Variants in BICC1 observed in about 807,000 individuals in gnomAD.
BICC1 encodes the protein protein bicaudal C homolog 1.
A neutral mutation model predicts 111.0 loss-of-function variants in BICC1; 43 were observed. That is an observed-to-expected ratio of 0.39 (90% CI 0.30 to 0.50). BICC1 has a LOEUF of 0.50. BICC1 is among the 20% of genes least tolerant of loss of function. The pLI is 0.88. For synonymous variants in BICC1, 467 were observed against 434.4 expected, an observed-to-expected ratio of 1.07 and a Z score of -0.93; for missense variants, 1,091 against 1,203.2, an observed-to-expected ratio of 0.91 and a Z score of 1.38.
intron 2 of BICC1, among the ~76,000 whole-genome samples, chr10:58,652,257 A>G (rs1204423698): frequency 1.3e-5 from 2 of 152,112 alleles, no homozygotes; most frequent in African/African-American, 4.8e-5. Context: ...CAAAAAGAAA[A>G]TTTACTATTA....
chr10:58,784,704 T>G (rs1842963758), intron 3 of BICC1, among the ~76,000 whole-genome samples: 1 of 152,040 alleles, frequency 6.6e-6, no homozygotes, highest in Non-Finnish European at 1.5e-5. Flanking sequence ...AAAAATTATA[T>G]GATATTTTTA....
chr10:58,728,714 A>AATAATG (rs1841190593), intron 3 of BICC1, among the ~76,000 whole-genome samples: 1 of 151,748 alleles, frequency 6.6e-6, no homozygotes, highest in Non-Finnish European at 1.5e-5. Flanking sequence ...AAATAATAAT[A>AATAATG]ATAATAATAC....
At chr10:58,739,762 T>C (rs957496985) in intron 3 of BICC1, among the ~76,000 whole-genome samples, 3 of 152,092 alleles carry the variant, frequency 2.0e-5, no homozygotes, top group Non-Finnish European at 4.4e-5. Context: ...TCTAGAAAAT[T>C]GGTAGTTTTT....
At chr10:58,782,003 A>G (rs1196677148) in intron 3 of BICC1, among the ~76,000 whole-genome samples, 1 of 152,198 alleles carries the variant, frequency 6.6e-6, no homozygotes, top group Non-Finnish European at 1.5e-5. Flanking sequence ...AACGTGTTAC[A>G]TGTTGGTGAC....
At chr10:58,779,326 A>G (rs576353701) in intron 3 of BICC1, among the ~76,000 whole-genome samples, 1 of 152,330 alleles carries the variant, frequency 6.6e-6, no homozygotes, top group Admixed American at 6.5e-5. Flanking sequence ...GCCTAAAAGC[A>G]CATTATTCAG....
intron 1 of BICC1, among the ~76,000 whole-genome samples, chr10:58,586,772 A>G (rs1219403490): frequency 6.6e-6 from 1 of 152,236 alleles, no homozygotes; most frequent in East Asian, 1.9e-4. Context: ...GCATGCAGTT[A>G]CATTCCCATA....
At chr10:58,515,449 G>C (rs552976131) in intron 1 of BICC1, among the ~76,000 whole-genome samples, 17 of 152,266 alleles carry the variant, frequency 1.1e-4, no homozygotes, top group African/African-American at 4.1e-4. Flanking sequence ...GCTACAAGGC[G>C]TGTTACTATA....
At chr10:58,558,391 A>G (rs964352137) in intron 1 of BICC1, among the ~76,000 whole-genome samples, 1 of 152,068 alleles carries the variant, frequency 6.6e-6, no homozygotes, top group Non-Finnish European at 1.5e-5. Flanking sequence ...AGAGACTTCT[A>G]GGTTCCACCT....
intron 3 of BICC1, among the ~76,000 whole-genome samples, chr10:58,777,012 G>A (rs1204982608): frequency 2.6e-5 from 4 of 151,788 alleles, no homozygotes; most frequent in Admixed American, 2.6e-4. Flanking sequence ...TATGTCTGGG[G>A]TGTAGTTTAC....
intron 2 of BICC1, chr10:58,648,607 CTCTTTCTCTCTT>C (rs1372538472): frequency 6.1e-6 from 6 of 984,650 alleles, no homozygotes; most frequent in Non-Finnish European, 7.2e-6. Context: ...CTTTCTCTCT[CTCTTTCTCTCTT>C]ACAGAGACAC....
At chr10:58,815,110 GT>G (rs5785348) in intron 18 of BICC1, among the ~76,000 whole-genome samples, 98,880 of 151,828 alleles carry the variant, frequency 0.65, 33,459 homozygotes, top group Non-Finnish European at 0.74. Flanking sequence ...TTTTTTCAGG[GT>G]TTTTGACAAA....
intron 1 of BICC1, among the ~76,000 whole-genome samples, chr10:58,543,001 G>C (rs1364243417): frequency 6.6e-6 from 1 of 152,018 alleles, no homozygotes; most frequent in African/African-American, 2.4e-5. Flanking sequence ...GTATAATTCA[G>C]CAATCTCACT....
intron 3 of BICC1, among the ~76,000 whole-genome samples, chr10:58,755,741 G>T (rs562421593): frequency 6.6e-6 from 1 of 150,812 alleles, no homozygotes; most frequent in African/African-American, 2.4e-5. Flanking sequence ...ATGAATTTCA[G>T]TTGGGTTTTG....
intron 17 of BICC1, 91 bp from the exon 18 acceptor site, chr10:58,813,739 C>A: frequency 2.3e-6 from 3 of 1,319,994 alleles, no homozygotes; most frequent in Non-Finnish European, 3.2e-6. Flanking sequence ...GAGAAGTAAA[C>A]GGCAGTGGTG....
chr10:58,764,098 A>G (rs1212459270), intron 3 of BICC1, among the ~76,000 whole-genome samples: 2 of 152,170 alleles, frequency 1.3e-5, no homozygotes, highest in Non-Finnish European at 2.9e-5. Context: ...TGAAATAGGC[A>G]CTATTGTCAA....
intron 3 of BICC1, among the ~76,000 whole-genome samples, chr10:58,721,918 T>G (rs2393495): frequency 0.013 from 1,973 of 152,272 alleles, 38 homozygotes; most frequent in African/African-American, 0.046. Flanking sequence ...CAGCTTGTAC[T>G]CTCCTGAAAG....
intron 2 of BICC1, among the ~76,000 whole-genome samples, chr10:58,698,959 G>T (rs1232864566): frequency 6.6e-6 from 1 of 152,190 alleles, no homozygotes; most frequent in African/African-American, 2.4e-5. Flanking sequence ...AAGGATGTCT[G>T]CAAAGGCATC....
chr10:58,715,058 A>T lies in BICC1; in HGVS notation c.307+12915A>T, dbSNP rs536524304. The stretch of plus-strand genomic sequence containing the variant: ...ACTGCAGCCTGGGCAACAGAGCAAG[A>T]CTCTGTCTCAAAAAAAAAAAAAGAT... On this transcript the variant is annotated intron_variant, in intron 3 of 20. Coordinates refer to ENST00000373886, the MANE Select transcript of BICC1 (RefSeq NM_001080512.3). Among the ~76,000 whole-genome samples, 19 of 149,518 alleles carry T rather than the reference A, an allele frequency of 1.3e-4. No homozygotes were observed. The South Asian group carries it at 2.8e-3, about 22-fold the overall frequency.
chr10:58,719,619 G>C (rs1382958137), intron 3 of BICC1, among the ~76,000 whole-genome samples: 1 of 152,056 alleles, frequency 6.6e-6, no homozygotes, highest in Admixed American at 6.6e-5. Flanking sequence ...TTTCATGCTT[G>C]TATTGCATCA....
Sources: allele counts gnomAD v4.1 joint callset (sites outside exome capture counted in the v4.1 genomes callset), GRCh38; gene constraint gnomAD v4.1.1; transcripts MANE v1.5; gene names NCBI Gene and HGNC (gene_info 2026-07-23, HGNC 2026-07-21).